ADAMTS16: variants seen among roughly 807,000 people sequenced by gnomAD.
ADAMTS16 encodes ADAM metallopeptidase with thrombospondin type 1 motif 16.
ADAMTS16 carries 94 observed loss-of-function variants against 145.8 expected under a neutral mutation model. The ratio of observed to expected loss-of-function variants is 0.64; its 90% CI spans 0.55 to 0.77. ADAMTS16 has a LOEUF of 0.77. Ranked by LOEUF, ADAMTS16 falls within the 30% of genes least tolerant of loss-of-function variation. The pLI, the probability that ADAMTS16 is intolerant of heterozygous loss-of-function variation, is 0.00. For missense variants in ADAMTS16, 1,585 were observed against 1,591.5 expected (o/e 1.00, Z 0.07); for synonymous variants, 659 against 604.3 (o/e 1.09, Z -1.33).
chr5:5,286,374 C>G (rs1391129399), intron 18 of ADAMTS16, among the ~76,000 whole-genome samples: 1 of 152,066 alleles, frequency 6.6e-6, no homozygotes, highest in Non-Finnish European at 1.5e-5. Context: ...CCTTAGTTTT[C>G]TGGACCAATG....
intron 18 of ADAMTS16, among the ~76,000 whole-genome samples, chr5:5,289,206 A>AG (rs1484699296): frequency 1.3e-5 from 2 of 152,012 alleles, no homozygotes; most frequent in African/African-American, 4.8e-5. Flanking sequence ...AGATAATAGA[A>AG]AAAAAAGCTT....
At chr5:5,205,587 T>TG (rs1448920818) in intron 9 of ADAMTS16, among the ~76,000 whole-genome samples, 2 of 152,258 alleles carry the variant, frequency 1.3e-5, no homozygotes, top group Admixed American at 1.3e-4. Flanking sequence ...TTTCTCCACA[T>TG]TCTCATCAGT....
At chr5:5,152,060 T>C (rs1734478798) in intron 3 of ADAMTS16, among the ~76,000 whole-genome samples, 4 of 152,264 alleles carry the variant, frequency 2.6e-5, no homozygotes, top group Non-Finnish European at 2.9e-5. Flanking sequence ...TCATCCTTGC[T>C]GTCATAAATG....
chr5:5,303,186 G>T, intron 18 of ADAMTS16, 82 bp from the exon 19 acceptor site: 1 of 1,386,228 alleles, frequency 7.2e-7, no homozygotes, highest in Non-Finnish European at 9.6e-7. Context: ...AAATCGCGCC[G>T]CTGCCTCCAC....
At chr5:5,290,225 T>C (rs1739255991) in intron 18 of ADAMTS16, among the ~76,000 whole-genome samples, 1 of 152,232 alleles carries the variant, frequency 6.6e-6, no homozygotes, top group South Asian at 2.1e-4. Context: ...TTCTTGCAGC[T>C]GGCTTTCACC....
intron 18 of ADAMTS16, among the ~76,000 whole-genome samples, chr5:5,291,194 T>C (rs1739299456): frequency 6.6e-6 from 1 of 151,576 alleles, no homozygotes; most frequent in Non-Finnish European, 1.5e-5. Flanking sequence ...TGTGTCTCTG[T>C]GATTTTTTTT....
At position 5,306,617 on chromosome 5, in the gene ADAMTS16, G is replaced by A. The variant is rs777628281; in HGVS notation, c.3300G>A (p.Lys1100=). 6.2e-7 allele frequency: 1 copy of A among 1,614,198 alleles called. No individual in the cohort carries two copies. Among genetic ancestry groups the A allele is most frequent in the South Asian group, 1.1e-5 (1 of 91,080 alleles). The part of the protein sequence containing the change: ...LASKKCSHLP[K]PSLELERACA... ...CAAAGAAGTGCTCACATTTGCCGAAGCCCAGCCTGGAGCTGGAACGTGCCT... is the reference window on the plus strand; with the variant it reads ...CAAAGAAGTGCTCACATTTGCCGAAACCCAGCCTGGAGCTGGAACGTGCCT... The change falls in exon 21 of 23, where the codon AAG becomes AAA. Residue 1100 remains lysine (K), a synonymous_variant. Coordinates refer to ENST00000274181, the MANE Select transcript of ADAMTS16 (RefSeq NM_139056.4).
chr5:5,158,299 C>G (rs1734653281), intron 3 of ADAMTS16, among the ~76,000 whole-genome samples: 1 of 152,096 alleles, frequency 6.6e-6, no homozygotes, highest in South Asian at 2.1e-4. Context: ...GCGTTCCCAA[C>G]CCATGAAAGG....
Position 5,239,273 on chromosome 5 carries a change from C to T in ADAMTS16, c.2277C>T (p.Asn759=). 6.4e-7 allele frequency: 1 copy of T among 1,559,218 alleles called. No homozygotes were observed. Among genetic ancestry groups the T allele is most frequent in the Middle Eastern group, 1.7e-4 (1 of 5,784 alleles). ...TCTACACCAAGCACCACCACACCAACCGTGAGTACTTTAGAGCTGCCTGCA... is the reference window on the plus strand; with the variant it reads ...TCTACACCAAGCACCACCACACCAATCGTGAGTACTTTAGAGCTGCCTGCA... ...RGLYTKHHHT[N]QYYHMVTIPS... Residue 759 remains asparagine (N), a splice_region_variant and synonymous_variant, in exon 15 of 23, where the codon AAC becomes AAT. Coordinates refer to ENST00000274181, the MANE Select transcript of ADAMTS16 (RefSeq NM_139056.4).
At chr5:5,272,519 G>T (rs147995337) in intron 18 of ADAMTS16, among the ~76,000 whole-genome samples, 5,367 of 150,170 alleles carry the variant, frequency 0.036, 162 homozygotes, top group East Asian at 0.17. Flanking sequence ...CCGCCACTAC[G>T]CCTGGCTAAT....
At chr5:5,203,286 T>C (rs1410362380) in intron 9 of ADAMTS16, among the ~76,000 whole-genome samples, 4 of 152,214 alleles carry the variant, frequency 2.6e-5, no homozygotes, top group Non-Finnish European at 4.4e-5. Flanking sequence ...TTCTATAGTG[T>C]GTTAAATCTT....
chr5:5,245,024 C>T (rs1043290137), intron 17 of ADAMTS16, among the ~76,000 whole-genome samples: 1 of 152,102 alleles, frequency 6.6e-6, no homozygotes, highest in Non-Finnish European at 1.5e-5. Context: ...TTTTATTTCC[C>T]AAGATCTCAT....
chr5:5,216,784 G>A (rs1159514413), intron 10 of ADAMTS16, among the ~76,000 whole-genome samples: 1 of 124,494 alleles, frequency 8.0e-6, no homozygotes, highest in Non-Finnish European at 1.6e-5. Flanking sequence ...CGTCCCCAGA[G>A]TGTGATATTC....
intron 16 of ADAMTS16, among the ~76,000 whole-genome samples, chr5:5,241,436 G>A (rs1321767768): frequency 6.6e-6 from 1 of 152,148 alleles, no homozygotes; most frequent in Non-Finnish European, 1.5e-5. Context: ...ATGGGTACCT[G>A]CCCGTAGGCA....
chr5:5,194,641 C>T (rs898932264), intron 8 of ADAMTS16, among the ~76,000 whole-genome samples: 1 of 152,146 alleles, frequency 6.6e-6, no homozygotes, highest in Admixed American at 6.5e-5. Flanking sequence ...GATAAAACTC[C>T]GTGTATCTTA....
At chr5:5,318,928 C>T (rs1409939056) in intron 22 of ADAMTS16, 95 bp from the exon 23 acceptor site, 3 of 911,338 alleles carry the variant, frequency 3.3e-6, no homozygotes, top group South Asian at 1.5e-5. Context: ...CAGAGCGTGA[C>T]AAATTCGCTT....
chr5:5,290,685 C>A (rs928071724), intron 18 of ADAMTS16, among the ~76,000 whole-genome samples: 1 of 152,174 alleles, frequency 6.6e-6, no homozygotes, highest in African/African-American at 2.4e-5. Flanking sequence ...AATAGAGGCG[C>A]TAAAATTCTT....
chr5:5,203,059 C>T (rs145534109), intron 9 of ADAMTS16, among the ~76,000 whole-genome samples: 12 of 152,152 alleles, frequency 7.9e-5, no homozygotes, highest in African/African-American at 1.4e-4. Flanking sequence ...TTTTTGTGTG[C>T]ATCCAGCAAA....
chr5:5,198,671 G>A (rs1016539401), intron 8 of ADAMTS16, among the ~76,000 whole-genome samples: 6 of 152,210 alleles, frequency 3.9e-5, no homozygotes, highest in South Asian at 4.2e-4. Flanking sequence ...AAAATGGTGC[G>A]TGCTTATAAA....
Sources: allele counts gnomAD v4.1 joint callset (sites outside exome capture counted in the v4.1 genomes callset), GRCh38; gene constraint gnomAD v4.1.1; transcripts MANE v1.5; gene names NCBI Gene and HGNC (gene_info 2026-07-23, HGNC 2026-07-21).